CPSF6: variants seen among roughly 807,000 people sequenced by gnomAD.
CPSF6 encodes the protein cleavage and polyadenylation specific factor 6.
Under a neutral mutation model 56.7 loss-of-function variants are expected in CPSF6, and 10 were observed. The observed-to-expected ratio is 0.18, with a 90% CI of 0.11 to 0.30. The LOEUF (loss-of-function observed/expected upper bound fraction) is 0.30. Among genes scored for constraint, CPSF6 ranks in the 10% least tolerant of loss-of-function variants. CPSF6 has a pLI of 1.00. For missense variants in CPSF6, 419 were observed against 722.9 expected, an observed-to-expected ratio of 0.58 and a Z score of 4.82; for synonymous variants, 248 against 244.8, an observed-to-expected ratio of 1.01 and a Z score of -0.12.
chr12:69,244,281 G>A (rs1286413586), intron 1 of CPSF6, among the ~76,000 whole-genome samples: 1 of 151,992 alleles, frequency 6.6e-6, no homozygotes, highest in Non-Finnish European at 1.5e-5. Flanking sequence ...TGTCACCCAG[G>A]CTGAAGTGCA....
chr12:69,258,580 T>C lies in CPSF6; in HGVS notation c.695-10T>C. 1.9e-6 allele frequency: 3 copies of C among 1,569,480 alleles called. No homozygotes were observed. Among genetic ancestry groups the C allele is most frequent in the Non-Finnish European group, 2.6e-6 (3 of 1,163,638 alleles). On this transcript the variant is annotated splice_polypyrimidine_tract_variant and intron_variant, in intron 5 of 9. Coordinates refer to ENST00000435070, the MANE Select transcript of CPSF6 (RefSeq NM_007007.3). The surrounding 1 kb of genome is among the most constrained non-coding windows in gnomAD (Gnocchi z 4.2). ...TGTTTTTTTTTCTCTCTTTCTCCTT[T>C]GTTTTTTAGCTGGACAGACTCCACC...
At chr12:69,242,170 GACTT>G (rs1382925992) in intron 1 of CPSF6, among the ~76,000 whole-genome samples, 1 of 150,846 alleles carries the variant, frequency 6.6e-6, no homozygotes, top group Non-Finnish European at 1.5e-5. Context: ...AGCCAGTTTT[GACTT>G]ACTTTGGCTT....
At chr12:69,257,941 G>A (rs1160567423) in intron 5 of CPSF6, 36 bp downstream of exon 5, 10 of 1,593,204 alleles carry the variant, frequency 6.3e-6, no homozygotes, top group Non-Finnish European at 8.6e-6. Flanking sequence ...GATAAAACAT[G>A]TCTACCTAAT....
chr12:69,246,714 C>A (rs1477463694), intron 1 of CPSF6, among the ~76,000 whole-genome samples: 1 of 152,128 alleles, frequency 6.6e-6, no homozygotes, highest in Non-Finnish European at 1.5e-5. Flanking sequence ...CAAAATGTAA[C>A]TTCCCCCCTT....
At chr12:69,242,217 T>C (rs1051202827) in intron 1 of CPSF6, among the ~76,000 whole-genome samples, 1 of 152,198 alleles carries the variant, frequency 6.6e-6, no homozygotes, top group Non-Finnish European at 1.5e-5. Flanking sequence ...AAAAAAATCT[T>C]TGTTTTCCAG....
chr12:69,240,443 C>A (rs1185003551), intron 1 of CPSF6, among the ~76,000 whole-genome samples: 2 of 152,140 alleles, frequency 1.3e-5, no homozygotes, highest in Admixed American at 1.3e-4. Context: ...CCAGGGCTTG[C>A]AGTGCTTTGA....
At chr12:69,259,708 C>T (rs1233659046) in intron 7 of CPSF6, among the ~76,000 whole-genome samples, 165 bp downstream of exon 7, 1 of 152,148 alleles carries the variant, frequency 6.6e-6, no homozygotes, top group East Asian at 1.9e-4. Context: ...AGTTGTGTGT[C>T]ACAGTGTAGT....
chr12:69,266,730 G>A (rs1873005211), intron 9 of CPSF6, among the ~76,000 whole-genome samples: 1 of 152,026 alleles, frequency 6.6e-6, no homozygotes, highest in Non-Finnish European at 1.5e-5. Flanking sequence ...ATTTTGAGAT[G>A]TTCATTTTGT....
chr12:69,248,419 A>G lies in CPSF6; in HGVS notation c.61-2710A>G, dbSNP rs184335587. 5.3e-5 allele frequency among the ~76,000 whole-genome samples: 8 copies of G among 152,312 alleles called. No homozygotes were observed. In the East Asian group the frequency reaches 1.2e-3, roughly 22 times the overall value. ...TGAATAATATTAGTAATTCTACTTG[A>G]TGTTCAGAACCGGATTGCAAGAGAG... is the stretch of plus-strand genomic sequence containing the variant. On this transcript the variant is annotated intron_variant, in intron 1 of 9. Transcript: ENST00000435070.
Position 69,239,702 on chromosome 12 carries a change from A to G in CPSF6, c.56A>G (p.Asn19Ser), listed in dbSNP as rs771103113. ...TACGCGGATGTCGGCGAAGAGTTCAACCAGGTACGTGAGAGCCCAGGTCCC... is the reference window on the plus strand; with the variant it reads ...TACGCGGATGTCGGCGAAGAGTTCAGCCAGGTACGTGAGAGCCCAGGTCCC... ...DIYADVGEEFNQEAEYGGHDQ... is the reference protein window; with the variant it reads ...DIYADVGEEFSQEAEYGGHDQ... Residue 19 changes from asparagine (N) to serine (S), a missense_variant, in exon 1 of 10, where the codon AAC (asparagine) becomes AGC (serine). By Grantham distance (46) the Asn-to-Ser change is conservative (BLOSUM62 1). Around this residue, in one of 4 missense-constraint regions of CPSF6, gnomAD observed 125 missense variants for 216.4 expected, o/e 0.58. Coordinates refer to ENST00000435070, the MANE Select transcript of CPSF6 (RefSeq NM_007007.3). 13 of 1,587,080 alleles carry G rather than the reference A, an allele frequency of 8.2e-6. No individual in the cohort carries two copies. Among genetic ancestry groups the G allele is most frequent in the Non-Finnish European group, 1.1e-5 (13 of 1,167,686 alleles).
chr12:69,268,234 C>A (rs1449607489), intron 9 of CPSF6, among the ~76,000 whole-genome samples: 4 of 151,634 alleles, frequency 2.6e-5, no homozygotes, highest in Non-Finnish European at 5.9e-5. Context: ...ATAGCTTCAT[C>A]AACATAAGAT....
Position 69,259,077 on chromosome 12 carries a change from C to T in CPSF6, c.1182C>T (p.Asp394=). 1 of 1,601,076 alleles carries T rather than the reference C, an allele frequency of 6.2e-7. No individual in the cohort carries two copies. Among genetic ancestry groups the T allele is most frequent in the African/African-American group, 1.3e-5 (1 of 75,018 alleles). Reference sequence around the variant, plus strand: ...GACCTCCACCATATGATAGGGGTGACTATGGCCCCCCTGGAAGGTAAGTTA... The same window carrying T: ...GACCTCCACCATATGATAGGGGTGATTATGGCCCCCCTGGAAGGTAAGTTA... The part of the protein sequence containing the change: ...YGRPPPYDRG[D]YGPPGREMDT... Residue 394 remains aspartate (D), a synonymous_variant, in exon 6 of 10, where the codon GAC becomes GAT. Coordinates refer to ENST00000435070, the MANE Select transcript of CPSF6 (RefSeq NM_007007.3).
At chr12:69,252,077 T>G (rs1442890375) in intron 2 of CPSF6, 1 of 455,732 alleles carries the variant, frequency 2.2e-6, no homozygotes, top group Non-Finnish European at 4.4e-6. Flanking sequence ...TTACATTTCT[T>G]TTTTTCAGGG....
Position 69,259,302 on chromosome 12 carries a change from A to G in CPSF6, c.1200-126A>G. On this transcript the variant is annotated intron_variant, in intron 6 of 9. Transcript: ENST00000435070. ...TGTTGGAAAAGTAGCATGCTTCAAT[A>G]TGGAAAAGTAACTACTATCTCTAAA... 3.0e-6 allele frequency: 4 copies of G among 1,318,690 alleles called. No individual in the cohort carries two copies. The Middle Eastern group carries it at 7.6e-4, about 250-fold the overall frequency. The allele number at this position is 1,318,690 out of a possible 1,614,324, so 81.7% of individuals were successfully genotyped here. A position where few individuals can be genotyped will look rare whatever the true frequency, so the allele number is the denominator to read the frequency against.
chr12:69,255,606 A>T (rs550449888), intron 3 of CPSF6, among the ~76,000 whole-genome samples: 1 of 152,254 alleles, frequency 6.6e-6, no homozygotes, highest in East Asian at 1.9e-4. Context: ...CAGTGGCGCA[A>T]TCTTGGCTCA....
chr12:69,260,456 C>A (rs1872697755), intron 8 of CPSF6, among the ~76,000 whole-genome samples: 1 of 151,990 alleles, frequency 6.6e-6, no homozygotes, highest in Non-Finnish European at 1.5e-5. Context: ...TCATTTTGTA[C>A]CTCTCCCCTT....
At chr12:69,248,072 A>G (rs963319950) in intron 1 of CPSF6, among the ~76,000 whole-genome samples, 1 of 152,224 alleles carries the variant, frequency 6.6e-6, no homozygotes, top group Non-Finnish European at 1.5e-5. Context: ...TATTGGTAGA[A>G]TCATATCAAT....
chr12:69,254,373 T>C (rs1371806275), intron 3 of CPSF6, among the ~76,000 whole-genome samples: 1 of 152,178 alleles, frequency 6.6e-6, no homozygotes, highest in Admixed American at 6.6e-5. Flanking sequence ...CTTTAGCTGT[T>C]TTCTCTTCTT....
At position 69,269,947 on chromosome 12, in the gene CPSF6, G is replaced by T. The variant is rs1339488276; in HGVS notation, c.*439G>T. ...ATAAACTGTTTAATGGGGCTGATGTGTAAAGCTGTTCAAGTTATTTGATGT... is the reference window on the plus strand; with the variant it reads ...ATAAACTGTTTAATGGGGCTGATGTTTAAAGCTGTTCAAGTTATTTGATGT... On this transcript the variant is annotated 3_prime_UTR_variant, in exon 10 of 10. Coordinates refer to ENST00000435070, the MANE Select transcript of CPSF6 (RefSeq NM_007007.3). 1 of 153,604 alleles carries T rather than the reference G, an allele frequency of 6.5e-6. No individual in the cohort carries two copies. The highest frequency in any genetic ancestry group is 1.9e-4 in the East Asian group (1 of 5,196). The allele number at this position is 153,604 out of a possible 1,614,324, so 9.5% of individuals were successfully genotyped here.
Sources: allele counts gnomAD v4.1 joint callset (sites outside exome capture counted in the v4.1 genomes callset), GRCh38; gene constraint gnomAD v4.1.1; regional missense constraint gnomAD v4.1.1; non-coding constraint Gnocchi (gnomAD v3.1); transcripts MANE v1.5; gene names NCBI Gene and HGNC (gene_info 2026-07-23, HGNC 2026-07-21).